GTF2IRD1: variants seen among roughly 807,000 people sequenced by gnomAD.
GTF2IRD1 encodes the protein GTF2I repeat domain containing 1.
A neutral mutation model predicts 113.2 loss-of-function variants in GTF2IRD1; 26 were observed. The ratio of observed to expected loss-of-function variants is 0.23; its 90% CI spans 0.17 to 0.32. The LOEUF (loss-of-function observed/expected upper bound fraction) is 0.32. GTF2IRD1 is among the 10% of genes least tolerant of loss of function. The pLI is 1.00. For missense variants in GTF2IRD1, 864 were observed against 1,280.8 expected, an observed-to-expected ratio of 0.67 and a Z score of 4.97; for synonymous variants, 484 against 529.1, an observed-to-expected ratio of 0.91 and a Z score of 1.17.
chr7:74,523,442 G>A (rs1385032994), intron 7 of GTF2IRD1, among the ~76,000 whole-genome samples: 1 of 152,088 alleles, frequency 6.6e-6, no homozygotes, highest in African/African-American at 2.4e-5. Context: ...ACCTCAGGCC[G>A]GACTTGGTGG....
At chr7:74,526,911 G>A (rs587648423) in intron 8 of GTF2IRD1, among the ~76,000 whole-genome samples, 1 of 152,276 alleles carries the variant, frequency 6.6e-6, no homozygotes, top group African/African-American at 2.4e-5. Flanking sequence ...AGCCGCCAAC[G>A]CAGACCTGGG....
At chr7:74,545,340 G>A (rs192909648) in intron 15 of GTF2IRD1, among the ~76,000 whole-genome samples, 1 of 152,136 alleles carries the variant, frequency 6.6e-6, no homozygotes, top group East Asian at 1.9e-4. Flanking sequence ...CCCAAACCCA[G>A]CCTGGCAGGA....
At position 74,580,999 on chromosome 7, in the gene GTF2IRD1, C is replaced by T. The variant is rs587732572; in HGVS notation, c.2321-8852C>T. 2.4e-3 allele frequency among the ~76,000 whole-genome samples: 361 copies of T among 152,170 alleles called. 1 individual carries two copies. Among genetic ancestry groups the T allele is most frequent in the Non-Finnish European group, 3.7e-3 (253 of 67,990 alleles). On this transcript the variant is annotated intron_variant, in intron 22 of 26. Transcript: ENST00000424337. ...AGGTTTGCTGACTTGGTGTTCCGGA[C>T]GGTAAACTAAACCCCCTTTTCTGGG...
intron 17 of GTF2IRD1, among the ~76,000 whole-genome samples, chr7:74,552,699 G>A (rs587680817): frequency 1.2e-4 from 19 of 152,270 alleles, no homozygotes; most frequent in Admixed American, 1.0e-3. Context: ...GGGGCACCCG[G>A]GCAGCTTGAG....
At chr7:74,532,909 G>A (rs1562843186) in intron 9 of GTF2IRD1, among the ~76,000 whole-genome samples, 2 of 152,108 alleles carry the variant, frequency 1.3e-5, no homozygotes, top group East Asian at 1.9e-4. Flanking sequence ...GGCTCTGTCC[G>A]TGGTCCAGCC....
Position 74,558,441 on chromosome 7 carries a change from C to T in GTF2IRD1, c.2108-420C>T, listed in dbSNP as rs372364689. Among the ~76,000 whole-genome samples, 3 of 138,824 alleles carry T rather than the reference C, an allele frequency of 2.2e-5. No homozygotes were observed. In the East Asian group the frequency reaches 6.3e-4, roughly 29 times the overall value. The allele number at this position is 138,824 out of a possible 152,430, so 91.1% of individuals were successfully genotyped here. On this transcript the variant is annotated intron_variant, in intron 20 of 26. Coordinates refer to ENST00000424337, the MANE Select transcript of GTF2IRD1 (RefSeq NM_005685.4). ...GTGGCGTGATCATGGTTCACTACAGCCTCAAACTCCTGGGCTCAAGCAATC... is the reference window on the plus strand; with the variant it reads ...GTGGCGTGATCATGGTTCACTACAGTCTCAAACTCCTGGGCTCAAGCAATC...
chr7:74,517,032 T>C (rs1796975318), intron 4 of GTF2IRD1, among the ~76,000 whole-genome samples: 1 of 151,796 alleles, frequency 6.6e-6, no homozygotes, highest in Non-Finnish European at 1.5e-5. Context: ...GTTGTTGTTG[T>C]TGTTGTTTTG....
intron 1 of GTF2IRD1, among the ~76,000 whole-genome samples, chr7:74,483,097 G>A (rs948454131): frequency 2.0e-5 from 3 of 152,300 alleles, no homozygotes; most frequent in African/African-American, 7.2e-5. Context: ...AGAGATCTGG[G>A]GTTCAGTCTG....
Position 74,555,570 on chromosome 7 carries a change from C to A in GTF2IRD1, c.2023+76C>A, listed in dbSNP as rs1175542687. On this transcript the variant is annotated intron_variant, in intron 19 of 26. Transcript: ENST00000424337. The surrounding 1 kb of genome is among the most constrained non-coding windows in gnomAD (Gnocchi z 5.3). ...CCTGGTTTGGGTTTGGAGGGCCAGG[C>A]TGGAAGTGGGGAGGAGCTGGCCCCC... is the stretch of plus-strand genomic sequence containing the variant. 4 of 970,658 alleles carry A rather than the reference C, an allele frequency of 4.1e-6. No individual in the cohort carries two copies. In the African/African-American group the frequency reaches 4.8e-5, roughly 12 times the overall value. 60.1% of individuals were successfully genotyped at this position (970,658 alleles called of 1,614,324 possible). A position where few individuals can be genotyped will look rare whatever the true frequency, so the allele number is the denominator to read the frequency against.
intron 25 of GTF2IRD1, among the ~76,000 whole-genome samples, chr7:74,596,692 G>A (rs1225658209): frequency 6.6e-6 from 1 of 151,996 alleles, no homozygotes; most frequent in African/African-American, 2.4e-5. Context: ...GGTGGCTCAC[G>A]CCTCTAATCC....
At chr7:74,513,061 C>A in intron 3 of GTF2IRD1, 90 bp downstream of exon 3, 11 of 1,294,760 alleles carry the variant, frequency 8.5e-6, no homozygotes, top group South Asian at 1.3e-5. Context: ...CCCTGTCTAG[C>A]CAGGGTGGCG....
chr7:74,500,909 A>AG (rs1795995515), intron 1 of GTF2IRD1, among the ~76,000 whole-genome samples: 1 of 151,878 alleles, frequency 6.6e-6, no homozygotes, highest in Admixed American at 6.6e-5. Flanking sequence ...ATTTTTGTAG[A>AG]GGTGGGGTCT....
At chr7:74,559,163 T>C (rs1799796726) in intron 21 of GTF2IRD1, 119 bp downstream of exon 21, 1 of 918,990 alleles carries the variant, frequency 1.1e-6, no homozygotes, top group African/African-American at 1.7e-5. Context: ...GTGGCTCTCC[T>C]GGCACCATCC....
At chr7:74,508,048 C>T (rs782549367) in intron 1 of GTF2IRD1, 27 bp from the exon 2 acceptor site, 1 of 1,592,010 alleles carries the variant, frequency 6.3e-7, no homozygotes, top group South Asian at 1.1e-5. Flanking sequence ...CTTGTGCCCA[C>T]CACCACTGCC....
chr7:74,575,627 G>A (rs1800997754), intron 22 of GTF2IRD1, among the ~76,000 whole-genome samples: 1 of 152,202 alleles, frequency 6.6e-6, no homozygotes, highest in African/African-American at 2.4e-5. Flanking sequence ...CCAACAGAAT[G>A]TGCTGATATA....
chr7:74,521,688 G>A (rs2130309827), intron 7 of GTF2IRD1, among the ~76,000 whole-genome samples: 2 of 152,290 alleles, frequency 1.3e-5, no homozygotes, highest in African/African-American at 4.8e-5. Flanking sequence ...CTTGAGCCCA[G>A]GAGTTGGAGG....
At chr7:74,579,923 C>T (rs1554365669) in intron 22 of GTF2IRD1, among the ~76,000 whole-genome samples, 1 of 152,086 alleles carries the variant, frequency 6.6e-6, no homozygotes, top group African/African-American at 2.4e-5. Context: ...TGGGTCAAGC[C>T]TTAAGGGTCC....
At chr7:74,595,698 C>T (rs1802370662) in intron 25 of GTF2IRD1, among the ~76,000 whole-genome samples, 1 of 152,174 alleles carries the variant, frequency 6.6e-6, no homozygotes, top group Non-Finnish European at 1.5e-5. Flanking sequence ...AAGAGGCCTC[C>T]AGAAACCTGC....
chr7:74,589,727 G>C, intron 22 of GTF2IRD1, 124 bp from the exon 23 acceptor site: 1 of 611,148 alleles, frequency 1.6e-6, no homozygotes, highest in Non-Finnish European at 3.0e-6. Context: ...CAGCTATATA[G>C]GAGTGGGTCG....
Sources: gnomAD v4.1 joint callset for allele counts (sites outside exome capture counted in the v4.1 genomes callset) on GRCh38, gnomAD v4.1.1 for gene constraint, Gnocchi (gnomAD v3.1) non-coding constraint, MANE v1.5 for transcripts, NCBI Gene and HGNC (gene_info 2026-07-23, HGNC 2026-07-21) for gene names.